RALYL: variants seen among roughly 807,000 people sequenced by gnomAD.
The protein encoded by RALYL is RALY RNA binding protein like, also known as RNA-binding Raly-like protein.
Under a neutral mutation model 35.1 loss-of-function variants are expected in RALYL, and 29 were observed. The ratio of observed to expected loss-of-function variants is 0.83; its 90% CI spans 0.61 to 1.13. The LOEUF (loss-of-function observed/expected upper bound fraction) is 1.13. Ranked by LOEUF, RALYL falls within the 50% of genes most tolerant of loss-of-function variation. The probability of loss-of-function intolerance (pLI) is 0.00; values close to 1 mark genes in which losing one functional copy is unlikely to be tolerated. For synonymous variants in RALYL, 120 were observed against 127.6 expected (o/e 0.94, Z 0.40); for missense variants, 359 against 360.4 (o/e 1.00, Z 0.03).
chr8:84,779,003 C>T (rs1420248166), intron 3 of RALYL, among the ~76,000 whole-genome samples: 1 of 152,130 alleles, frequency 6.6e-6, no homozygotes, highest in Admixed American at 6.5e-5. Flanking sequence ...ATAGCACTTG[C>T]AATAAAAATG....
At chr8:84,697,740 C>T (rs546670875) in intron 2 of RALYL, among the ~76,000 whole-genome samples, 4 of 151,944 alleles carry the variant, frequency 2.6e-5, no homozygotes, top group Non-Finnish European at 5.9e-5. Context: ...TCTCTTCTCC[C>T]ACCCTCCACC....
chr8:84,813,886 C>G (rs1447254099), intron 4 of RALYL, among the ~76,000 whole-genome samples: 3 of 151,160 alleles, frequency 2.0e-5, no homozygotes, highest in Non-Finnish European at 4.4e-5. Flanking sequence ...AGGTGTATCT[C>G]CTAATGCTAC....
At chr8:84,210,571 C>T (rs911234560) in intron 1 of RALYL, among the ~76,000 whole-genome samples, 19 of 151,958 alleles carry the variant, frequency 1.3e-4, no homozygotes, top group African/African-American at 4.4e-4. Flanking sequence ...GTATAAATCG[C>T]CTGCTCTTCT....
chr8:84,286,066 A>G (rs1404541534), intron 1 of RALYL, among the ~76,000 whole-genome samples: 4 of 152,154 alleles, frequency 2.6e-5, no homozygotes, highest in African/African-American at 7.2e-5. Context: ...GTAGATACAC[A>G]TTGACAGTTT....
At chr8:84,516,593 G>A (rs577061740) in intron 1 of RALYL, among the ~76,000 whole-genome samples, 1 of 152,188 alleles carries the variant, frequency 6.6e-6, no homozygotes, top group East Asian at 1.9e-4. Context: ...AACAAACCAA[G>A]CAAAGTTGTA....
intron 2 of RALYL, among the ~76,000 whole-genome samples, chr8:84,559,881 C>CA (rs2061368174): frequency 6.6e-6 from 1 of 151,340 alleles, no homozygotes; most frequent in Non-Finnish European, 1.5e-5. Context: ...TGCTAGGAGA[C>CA]ACTGGGCTGG....
chr8:84,265,670 A>G (rs1833162031), intron 1 of RALYL, among the ~76,000 whole-genome samples: 1 of 146,802 alleles, frequency 6.8e-6, no homozygotes. Flanking sequence ...AAAATAAAAA[A>G]CTTGGATTGT....
intron 1 of RALYL, among the ~76,000 whole-genome samples, chr8:84,204,673 G>C (rs988898017): frequency 3.3e-5 from 5 of 152,006 alleles, no homozygotes; most frequent in Non-Finnish European, 7.4e-5. Context: ...CTAATATTTG[G>C]TGAATTCCTA....
At position 84,541,953 on chromosome 8, in the gene RALYL, G is replaced by A. The variant is rs577266660; in HGVS notation, c.256+12376G>A. 5.3e-5 allele frequency among the ~76,000 whole-genome samples: 8 copies of A among 152,072 alleles called. No individual in the cohort carries two copies. The South Asian group carries it at 1.0e-3, about 20-fold the overall frequency. On this transcript the variant is annotated intron_variant, in intron 2 of 8. Coordinates refer to ENST00000521268, the MANE Select transcript of RALYL (RefSeq NM_173848.7). ...GTGATCCTGTGTCTTAATATTTAAA[G>A]TGTTCTTGCAAGGAACATAGAATCT...
chr8:84,467,476 G>A (rs951753717), intron 1 of RALYL, among the ~76,000 whole-genome samples: 1 of 151,878 alleles, frequency 6.6e-6, no homozygotes, highest in Non-Finnish European at 1.5e-5. Context: ...TTAATCCTGA[G>A]TTCTAGTTTG....
intron 1 of RALYL, among the ~76,000 whole-genome samples, chr8:84,339,559 T>G (rs1166920962): frequency 6.6e-6 from 1 of 151,944 alleles, no homozygotes; most frequent in Non-Finnish European, 1.5e-5. Context: ...AGAACTATTT[T>G]ATTATATATT....
At chr8:84,661,746 A>G (rs1027465481) in intron 2 of RALYL, among the ~76,000 whole-genome samples, 20 of 151,988 alleles carry the variant, frequency 1.3e-4, no homozygotes, top group African/African-American at 4.1e-4. Flanking sequence ...CTCGTCATCT[A>G]GCAGTTTTCT....
intron 1 of RALYL, among the ~76,000 whole-genome samples, chr8:84,386,955 G>T (rs1563831292): frequency 6.6e-6 from 1 of 151,776 alleles, no homozygotes; most frequent in Admixed American, 6.6e-5. Flanking sequence ...GCTTCAGATG[G>T]TGTCTTGTGA....
chr8:84,552,327 AGG>A (rs2060781354), intron 2 of RALYL, among the ~76,000 whole-genome samples: 1 of 122,426 alleles, frequency 8.2e-6, no homozygotes. Context: ...AAACTATAGT[AGG>A]ATGTGTGTGT....
intron 2 of RALYL, among the ~76,000 whole-genome samples, chr8:84,538,944 A>C (rs2059806128): frequency 6.6e-6 from 1 of 152,222 alleles, no homozygotes; most frequent in Non-Finnish European, 1.5e-5. Flanking sequence ...GGAAATGTGG[A>C]TTTGAATTTA....
chr8:84,641,178 A>G (rs1046645075), intron 2 of RALYL, among the ~76,000 whole-genome samples: 3 of 151,328 alleles, frequency 2.0e-5, no homozygotes, highest in Non-Finnish European at 1.5e-5. Flanking sequence ...AACTTTCTTT[A>G]TATCTCTCTC....
chr8:84,218,561 A>G (rs371219581), intron 1 of RALYL, among the ~76,000 whole-genome samples: 7 of 152,150 alleles, frequency 4.6e-5, no homozygotes, highest in African/African-American at 1.7e-4. Flanking sequence ...TTTTGTAAAT[A>G]ATGCAGACTG....
At chr8:84,713,213 A>G (rs1842463370) in intron 2 of RALYL, among the ~76,000 whole-genome samples, 1 of 152,110 alleles carries the variant, frequency 6.6e-6, no homozygotes, top group Non-Finnish European at 1.5e-5. Flanking sequence ...AAGAGACTAT[A>G]CTTTCCCTAT....
At chr8:84,719,501 A>C (rs942996302) in intron 2 of RALYL, among the ~76,000 whole-genome samples, 5 of 152,152 alleles carry the variant, frequency 3.3e-5, no homozygotes, top group African/African-American at 1.2e-4. Flanking sequence ...AGGAATCTAA[A>C]AATACTTATA....
Sources: gnomAD v4.1 joint callset for allele counts (sites outside exome capture counted in the v4.1 genomes callset) on GRCh38, gnomAD v4.1.1 for gene constraint, MANE v1.5 for transcripts, NCBI Gene and HGNC (gene_info 2026-07-23, HGNC 2026-07-21) for gene names.